The following SLC6A17 variants were observed in gnomAD, a reference collection of about 807,000 sequenced individuals.
SLC6A17 encodes the protein sodium-dependent neutral amino acid transporter SLC6A17.
In SLC6A17, 21 loss-of-function variants were observed where a neutral mutation model predicts 64.5. That is an observed-to-expected ratio of 0.33 (90% CI 0.23 to 0.47). The LOEUF is 0.47. Among genes scored for constraint, SLC6A17 ranks in the 20% least tolerant of loss-of-function variants. The pLI is 1.00. For missense variants in SLC6A17, 682 were observed against 963.2 expected, an observed-to-expected ratio of 0.71 and a Z score of 3.86; for synonymous variants, 372 against 399.5, an observed-to-expected ratio of 0.93 and a Z score of 0.82.
chr1:110,161,664 C>G (rs1655912375), intron 1 of SLC6A17, among the ~76,000 whole-genome samples: 1 of 152,212 alleles, frequency 6.6e-6, no homozygotes. Context: ...CTCTTTGTCC[C>G]TTGAGTTACC....
At chr1:110,180,250 G>C (rs557748576) in intron 6 of SLC6A17, among the ~76,000 whole-genome samples, 1 of 152,214 alleles carries the variant, frequency 6.6e-6, no homozygotes, top group Non-Finnish European at 1.5e-5. Context: ...AGGCCAGGTG[G>C]CAAGAGTGGA....
At chr1:110,197,928 C>A in intron 11 of SLC6A17, 148 bp from the exon 12 acceptor site, 2 of 1,367,014 alleles carry the variant, frequency 1.5e-6, no homozygotes, top group Non-Finnish European at 2.0e-6. Context: ...ACCAGGTAAA[C>A]CCCCATCCTT....
chr1:110,165,946 G>C (rs146555130), intron 1 of SLC6A17, among the ~76,000 whole-genome samples: 1 of 152,222 alleles, frequency 6.6e-6, no homozygotes, highest in African/African-American at 2.4e-5. Context: ...TTCTTCAAAG[G>C]CTTCGTTTTC....
At position 110,192,471 on chromosome 1, in the gene SLC6A17, C is replaced by A. The variant is rs781480681; in HGVS notation, c.1107-35C>A. On this transcript the variant is annotated intron_variant, in intron 7 of 11. Coordinates refer to ENST00000331565, the MANE Select transcript of SLC6A17 (RefSeq NM_001010898.4). The surrounding 1 kb of genome is among the most constrained non-coding windows in gnomAD (Gnocchi z 4.3). ...GGATCTCACCCATTGCCCACCCCTG[C>A]CTTCTTACCTGGTCCTCTCGGTTTT... 34 of 1,584,064 alleles carry A rather than the reference C, an allele frequency of 2.1e-5. No individual in the cohort carries two copies. Among genetic ancestry groups the A allele is most frequent in the Non-Finnish European group, 2.7e-5 (32 of 1,164,286 alleles).
intron 6 of SLC6A17, among the ~76,000 whole-genome samples, chr1:110,180,847 C>T (rs1271517151): frequency 1.3e-5 from 2 of 152,104 alleles, no homozygotes; most frequent in African/African-American, 4.8e-5. Flanking sequence ...AATTTTTGGC[C>T]AGGGCATCTC....
At chr1:110,159,214 G>A (rs1353980964) in intron 1 of SLC6A17, among the ~76,000 whole-genome samples, 2 of 152,188 alleles carry the variant, frequency 1.3e-5, no homozygotes, top group Non-Finnish European at 2.9e-5. Context: ...GCCTTCAGAA[G>A]TTCCCCCAGT....
chr1:110,178,331 G>C (rs1656424678), intron 6 of SLC6A17, among the ~76,000 whole-genome samples: 1 of 152,180 alleles, frequency 6.6e-6, no homozygotes, highest in Non-Finnish European at 1.5e-5. Flanking sequence ...AAGAGGAACA[G>C]ATTCACAGGA....
chr1:110,180,736 GC>G (rs1656499974), intron 6 of SLC6A17, among the ~76,000 whole-genome samples: 1 of 152,128 alleles, frequency 6.6e-6, no homozygotes, highest in Admixed American at 6.5e-5. Flanking sequence ...CCAGGTCACT[GC>G]CCTAGCTGCC....
chr1:110,191,408 A>G (rs1018953721), intron 6 of SLC6A17, among the ~76,000 whole-genome samples: 1 of 152,222 alleles, frequency 6.6e-6, no homozygotes, highest in Admixed American at 6.5e-5. Flanking sequence ...CCCTTTCTCC[A>G]GGAATTGTCT....
intron 6 of SLC6A17, among the ~76,000 whole-genome samples, chr1:110,179,833 G>A (rs148999905): frequency 0.018 from 2,799 of 152,056 alleles, 94 homozygotes; most frequent in African/African-American, 0.063. Context: ...GATTACAGGC[G>A]TGAGCCACTG....
intron 6 of SLC6A17, among the ~76,000 whole-genome samples, chr1:110,183,864 G>A (rs893898993): frequency 1.5e-4 from 23 of 152,206 alleles, no homozygotes; most frequent in African/African-American, 5.5e-4. Context: ...AAGGGAGGAG[G>A]AGGACTTGGA....
In SLC6A17 at chr1:110,166,837, T is replaced by TCCTA; in HGVS notation, c.-87-5_-87-2dup. On this transcript the variant is annotated splice_region_variant and splice_polypyrimidine_tract_variant and intron_variant, in intron 1 of 11. Coordinates refer to ENST00000331565, the MANE Select transcript of SLC6A17 (RefSeq NM_001010898.4). ...ATAATCCTTTACTGCTCACCTGGTTTCCTAGGTCCCTGAATGAGAAGGAGC... is the reference window on the plus strand; with the variant it reads ...ATAATCCTTTACTGCTCACCTGGTTTCCTACCTAGGTCCCTGAATGAGAAGGAGC... 2 of 1,463,158 alleles carry TCCTA rather than the reference T, an allele frequency of 1.4e-6. No homozygotes were observed. Among genetic ancestry groups the TCCTA allele is most frequent in the Non-Finnish European group, 1.8e-6 (2 of 1,099,328 alleles). The allele number at this position is 1,463,158 out of a possible 1,614,324, so 90.6% of individuals were successfully genotyped here.
intron 1 of SLC6A17, chr1:110,166,315 C>G (rs928810621): frequency 6.6e-6 from 1 of 151,384 alleles, no homozygotes; most frequent in African/African-American, 2.4e-5. Flanking sequence ...CCTGGGGATC[C>G]TGTAAAAAGG....
At chr1:110,160,159 C>T (rs1185236754) in intron 1 of SLC6A17, among the ~76,000 whole-genome samples, 1 of 152,234 alleles carries the variant, frequency 6.6e-6, no homozygotes, top group East Asian at 1.9e-4. Flanking sequence ...CCTCATTTTA[C>T]AGATGAATAA....
Position 110,171,947 on chromosome 1 carries a change from A to G in SLC6A17, c.287-113A>G, listed in dbSNP as rs77837627. 9.3e-4 allele frequency: 1,298 copies of G among 1,402,096 alleles called. 9 individuals carry two copies. The East Asian group carries it at 0.024, about 26-fold the overall frequency. The allele number at this position is 1,402,096 out of a possible 1,614,324, so 86.9% of individuals were successfully genotyped here. ...TGGAGGAGCACCGGGACTGGTGACAATTTGCGGATGACCAGAGATGTGGCT... is the reference window on the plus strand; with the variant it reads ...TGGAGGAGCACCGGGACTGGTGACAGTTTGCGGATGACCAGAGATGTGGCT... On this transcript the variant is annotated intron_variant, in intron 2 of 11. Transcript: ENST00000331565.
rs1571001570 is a variant in SLC6A17 at position 110,192,312 on chromosome 1, C to T, written c.1106+99C>T. ...CAGGTGTGCATGGGGAGAGAGGTCCCCTCCACTCAGACTGAGGAATGGAGA... is the reference window on the plus strand; with the variant it reads ...CAGGTGTGCATGGGGAGAGAGGTCCTCTCCACTCAGACTGAGGAATGGAGA... On this transcript the variant is annotated intron_variant, in intron 7 of 11. Coordinates refer to ENST00000331565, the MANE Select transcript of SLC6A17 (RefSeq NM_001010898.4). The surrounding 1 kb of genome is among the most constrained non-coding windows in gnomAD (Gnocchi z 4.3). The T allele has an allele frequency of 1.3e-6, 2 of 1,524,932 alleles. No individual in the cohort carries two copies. Among genetic ancestry groups the T allele is most frequent in the Middle Eastern group, 2.1e-4 (1 of 4,850 alleles). 94.5% of individuals were successfully genotyped at this position (1,524,932 alleles called of 1,614,324 possible). A position where few individuals can be genotyped will look rare whatever the true frequency, so the allele number is the denominator to read the frequency against.
At chr1:110,188,673 AGC>A (rs1316985479) in intron 6 of SLC6A17, among the ~76,000 whole-genome samples, 3 of 152,202 alleles carry the variant, frequency 2.0e-5, no homozygotes, top group Non-Finnish European at 4.4e-5. Context: ...CCTACCCTCC[AGC>A]TTTTCAAGAC....
In SLC6A17 at chr1:110,192,091, C is replaced by T; in HGVS notation, c.984C>T (p.Asn328=). 1 of 1,614,212 alleles carries T rather than the reference C, an allele frequency of 6.2e-7. No individual in the cohort carries two copies. Among genetic ancestry groups the T allele is most frequent in the Non-Finnish European group, 8.5e-7 (1 of 1,180,034 alleles). The part of the protein sequence containing the change: ...AFSSYNKQDN[N]CHFDAALVSF... ...CCAGCTACAATAAGCAGGACAACAA[C>T]TGCCACTTCGATGCCGCCCTGGTGT... is the stretch of plus-strand genomic sequence containing the variant. Residue 328 remains asparagine (N), a synonymous_variant, in exon 7 of 12, where the codon AAC becomes AAT. Transcript: ENST00000331565. This position sits in a 1 kb window ranked among gnomAD's most constrained non-coding sequence, Gnocchi z 4.3.
intron 6 of SLC6A17, among the ~76,000 whole-genome samples, chr1:110,181,234 C>T (rs1165123589): frequency 6.6e-6 from 1 of 152,146 alleles, no homozygotes; most frequent in Non-Finnish European, 1.5e-5. Flanking sequence ...GATTTTTAAC[C>T]ACCAAAATGT....
Sources: allele counts gnomAD v4.1 joint callset (sites outside exome capture counted in the v4.1 genomes callset), GRCh38; gene constraint gnomAD v4.1.1; non-coding constraint Gnocchi (gnomAD v3.1); transcripts MANE v1.5; gene names NCBI Gene and HGNC (gene_info 2026-07-23, HGNC 2026-07-21).